KIF13A: variants seen among roughly 807,000 people sequenced by gnomAD.
KIF13A encodes kinesin-like protein KIF13A.
A neutral mutation model predicts 212.2 loss-of-function variants in KIF13A; 79 were observed. The ratio of observed to expected loss-of-function variants is 0.37; its 90% CI spans 0.31 to 0.45. The LOEUF (loss-of-function observed/expected upper bound fraction) is 0.45, where lower values mean the gene tolerates loss of function less well. KIF13A is among the 20% of genes least tolerant of loss of function. The probability of loss-of-function intolerance (pLI) is 1.00; values close to 1 mark genes in which losing one functional copy is unlikely to be tolerated. For missense variants in KIF13A, 1,901 were observed against 2,209.0 expected, an observed-to-expected ratio of 0.86 and a Z score of 2.79; for synonymous variants, 789 against 808.6, an observed-to-expected ratio of 0.98 and a Z score of 0.41.
chr6:17,826,159 G>C lies in KIF13A; in HGVS notation c.1533-35C>G. 1.3e-6 allele frequency: 2 copies of C among 1,536,572 alleles called. No individual in the cohort carries two copies. Among genetic ancestry groups the C allele is most frequent in the African/African-American group, 2.7e-5 (2 of 73,452 alleles). On this transcript the variant is annotated intron_variant, in intron 14 of 38. Transcript: ENST00000259711. The surrounding 1 kb of genome is among the most constrained non-coding windows in gnomAD (Gnocchi z 4.7). ...CACGAGGGAAAATACCAGGTAAATG[G>C]GAAGGAGCACAAGACCTTGTCCTGG...
chr6:17,858,419 T>C (rs1768371823), intron 4 of KIF13A, among the ~76,000 whole-genome samples: 1 of 152,202 alleles, frequency 6.6e-6, no homozygotes, highest in Non-Finnish European at 1.5e-5. Flanking sequence ...AAAATTATTA[T>C]CTGCTTCACA....
chr6:17,953,714 G>A, intron 2 of KIF13A: 1 of 189,138 alleles, frequency 5.3e-6, no homozygotes, highest in Non-Finnish European at 1.2e-5. Context: ...CAACTACGAT[G>A]AGCCTGTGTA....
Position 17,987,429 on chromosome 6 carries a change from A to G in KIF13A, c.35T>C (p.Val12Ala). 7.4e-7 allele frequency: 1 copy of G among 1,353,134 alleles called. No individual in the cohort carries two copies. The highest frequency in any genetic ancestry group is 9.8e-7 in the Non-Finnish European group (1 of 1,022,474). The allele number at this position is 1,353,134 out of a possible 1,614,324, so 83.8% of individuals were successfully genotyped here. Reference sequence around the variant, plus strand: ...CTCACCTCGTCGGTTCATGGGCCGGACCCGGACGGCAACTTTTACCTTGGT... The same window carrying G: ...CTCACCTCGTCGGTTCATGGGCCGGGCCCGGACGGCAACTTTTACCTTGGT... ...SDTKVKVAVR[V>A]RPMNRRELEL... Residue 12 changes from valine to alanine, a missense_variant, in exon 1 of 39, where the codon GTC (valine) becomes GCC (alanine). This residue lies in a region of KIF13A where 506 missense variants were observed against 637.4 expected (regional missense o/e 0.79). Transcript: ENST00000259711. The surrounding 1 kb of genome is among the most constrained non-coding windows in gnomAD (Gnocchi z 7.7).
At chr6:17,840,584 G>A (rs1171105217) in intron 9 of KIF13A, among the ~76,000 whole-genome samples, 1 of 152,108 alleles carries the variant, frequency 6.6e-6, no homozygotes, top group Non-Finnish European at 1.5e-5. Flanking sequence ...TTTTGGAGAT[G>A]ACATGGATTT....
intron 3 of KIF13A, among the ~76,000 whole-genome samples, chr6:17,878,902 G>T (rs948026542): frequency 1.3e-5 from 2 of 152,210 alleles, no homozygotes; most frequent in Non-Finnish European, 2.9e-5. Context: ...TTGCCAAAGA[G>T]CAGCACCCTT....
chr6:17,862,840 C>T (rs1048107610), intron 4 of KIF13A, among the ~76,000 whole-genome samples: 6 of 151,954 alleles, frequency 3.9e-5, no homozygotes, highest in Admixed American at 3.3e-4. Context: ...CCCAGCTACT[C>T]GGGAGGCTGA....
chr6:17,903,570 C>T (rs1291104866), intron 2 of KIF13A, among the ~76,000 whole-genome samples: 1 of 151,986 alleles, frequency 6.6e-6, no homozygotes, highest in Non-Finnish European at 1.5e-5. Context: ...TATGTAAGTG[C>T]TTTAAGAGGT....
In KIF13A at chr6:17,899,065, C is replaced by T. The variant is rs1188789221; in HGVS notation, c.147-885G>A. On this transcript the variant is annotated intron_variant, in intron 2 of 38. Coordinates refer to ENST00000259711, the MANE Select transcript of KIF13A (RefSeq NM_022113.6). The surrounding 1 kb of genome is among the most constrained non-coding windows in gnomAD (Gnocchi z 5.2). The stretch of plus-strand genomic sequence containing the variant: ...CTGGTCTCAAACTCCTGACCTCAAG[C>T]AATCCCCCCACCTCAGCCTCCCAAA... Among the ~76,000 whole-genome samples the T allele has an allele frequency of 6.6e-6, 1 of 152,118 alleles. No homozygotes were observed. The highest frequency in any genetic ancestry group is 1.5e-5 in the Non-Finnish European group (1 of 68,012).
At chr6:17,867,668 G>GA (rs2150425562) in intron 4 of KIF13A, among the ~76,000 whole-genome samples, 1 of 152,190 alleles carries the variant, frequency 6.6e-6, no homozygotes, top group South Asian at 2.1e-4. Flanking sequence ...TTAACTACTA[G>GA]AAAAAAGACT....
At chr6:17,901,753 T>A (rs1284017128) in intron 2 of KIF13A, among the ~76,000 whole-genome samples, 1 of 152,228 alleles carries the variant, frequency 6.6e-6, no homozygotes, top group African/African-American at 2.4e-5. Flanking sequence ...AAATTCATCT[T>A]TTAACAATAT....
At position 17,773,004 on chromosome 6, in the gene KIF13A, G is replaced by A. The variant is rs1759631738; in HGVS notation, c.4324+474C>T. Among the ~76,000 whole-genome samples, 1 of 152,144 alleles carries A rather than the reference G, an allele frequency of 6.6e-6. No homozygotes were observed. The highest frequency in any genetic ancestry group is 1.5e-5 in the Non-Finnish European group (1 of 68,026). On this transcript the variant is annotated intron_variant, in intron 36 of 38. Transcript: ENST00000259711. This position sits in a 1 kb window ranked among gnomAD's most constrained non-coding sequence, Gnocchi z 4.2. ...CCGATATATATGGCCAAAGAATACT[G>A]TTCCCATTAAGGCACTGGTAGACTG...
chr6:17,863,272 T>C (rs934827758), intron 4 of KIF13A, among the ~76,000 whole-genome samples: 2 of 151,938 alleles, frequency 1.3e-5, no homozygotes. Flanking sequence ...GGGTGGGGTG[T>C]GTGTTTGTGT....
chr6:17,983,135 T>C (rs1310119487), intron 2 of KIF13A, among the ~76,000 whole-genome samples: 1 of 140,186 alleles, frequency 7.1e-6, no homozygotes, highest in Non-Finnish European at 1.5e-5. Flanking sequence ...ATCACGCCAC[T>C]GCACTCCAGC....
At chr6:17,762,961 A>AT (rs999127257), downstream of KIF13A, among the ~76,000 whole-genome samples, 3 of 152,130 alleles carry the variant, frequency 2.0e-5, no homozygotes, top group African/African-American at 7.2e-5. Context: ...CAGCATGATT[A>AT]TTTTACTTTT....
intron 12 of KIF13A, among the ~76,000 whole-genome samples, chr6:17,832,400 G>C (rs1264970936): frequency 6.6e-6 from 1 of 152,130 alleles, no homozygotes; most frequent in African/African-American, 2.4e-5. Context: ...CTCTTGGGAG[G>C]CTAAGGCGGG....
intron 4 of KIF13A, among the ~76,000 whole-genome samples, chr6:17,857,235 G>T (rs770636885): frequency 2.0e-5 from 3 of 152,144 alleles, no homozygotes; most frequent in Non-Finnish European, 2.9e-5. Context: ...AACACAAAAC[G>T]AGATAGTATT....
intron 22 of KIF13A, 24 bp from the exon 23 acceptor site, chr6:17,796,844 A>G (rs776521497): frequency 6.9e-7 from 1 of 1,449,026 alleles, no homozygotes; most frequent in South Asian, 1.5e-5. Context: ...GGGAAAGCAA[A>G]AGAATTATGC....
intron 3 of KIF13A, among the ~76,000 whole-genome samples, chr6:17,873,985 C>G (rs747527763): frequency 2.0e-5 from 3 of 152,076 alleles, no homozygotes; most frequent in Non-Finnish European, 2.9e-5. Flanking sequence ...ATTCAAATAA[C>G]CAGACATTTT....
chr6:17,841,431 T>C (rs1766497757), intron 9 of KIF13A, among the ~76,000 whole-genome samples: 1 of 152,222 alleles, frequency 6.6e-6, no homozygotes, highest in African/African-American at 2.4e-5. Flanking sequence ...ATAAGCAAGA[T>C]GCATATGCTA....
Sources: gnomAD v4.1 joint callset for allele counts (sites outside exome capture counted in the v4.1 genomes callset) on GRCh38, gnomAD v4.1.1 for gene constraint, gnomAD v4.1.1 regional missense constraint, Gnocchi (gnomAD v3.1) non-coding constraint, MANE v1.5 for transcripts, NCBI Gene and HGNC (gene_info 2026-07-23, HGNC 2026-07-21) for gene names.